Variants in KCNMB3 observed in about 807,000 individuals in gnomAD.
KCNMB3 encodes potassium calcium-activated channel subfamily M regulatory beta subunit 3.
A neutral mutation model predicts 11.9 loss-of-function variants in KCNMB3; 18 were observed. The ratio of observed to expected loss-of-function variants is 1.51; its 90% CI spans 1.04 to 2.23. The LOEUF (loss-of-function observed/expected upper bound fraction) is 2.23, where lower values mean the gene tolerates loss of function less well. Ranked by LOEUF, KCNMB3 falls within the 30% of genes most tolerant of loss-of-function variation. The probability of loss-of-function intolerance (pLI) is 0.00; values close to 1 mark genes in which losing one functional copy is unlikely to be tolerated. For missense variants in KCNMB3, 247 were observed against 329.4 expected, an observed-to-expected ratio of 0.75 and a Z score of 1.94; for synonymous variants, 78 against 119.2, an observed-to-expected ratio of 0.65 and a Z score of 2.25.
In KCNMB3 at chr3:179,266,798, A is replaced by G. The variant is rs918724301; in HGVS notation, c.-88T>C. 4.5e-6 allele frequency: 7 copies of G among 1,548,948 alleles called. No homozygotes were observed. In the African/African-American group the frequency reaches 9.5e-5, roughly 21 times the overall value. ...AAGGTGAAGCTTAGACATCCACGGA[A>G]GTGGAGTCCCAGCGGGAGCCCCCAG... is the stretch of plus-strand genomic sequence containing the variant. On this transcript the variant is annotated 5_prime_UTR_variant, in exon 1 of 4. Coordinates refer to the KCNMB3 transcript ENST00000349697.
chr3:179,256,223 G>A (rs1157769842), upstream of KCNMB3, among the ~76,000 whole-genome samples: 3 of 152,156 alleles, frequency 2.0e-5, no homozygotes, highest in South Asian at 2.1e-4. Context: ...ATCACCTGAC[G>A]TCAGGAGTTC....
chr3:179,257,971 G>A (rs1343832964), intron 1 of KCNMB3, among the ~76,000 whole-genome samples: 17 of 152,042 alleles, frequency 1.1e-4, no homozygotes, highest in Non-Finnish European at 1.9e-4. Flanking sequence ...TGCAATCTCC[G>A]CCTCGCAGGT....
At chr3:179,259,762 C>T (rs1184122823) in intron 1 of KCNMB3, 15 of 1,601,392 alleles carry the variant, frequency 9.4e-6, no homozygotes, top group Middle Eastern at 3.4e-4. Flanking sequence ...GAGTCCAATG[C>T]CTCTCCCTGT....
intron 1 of KCNMB3, chr3:179,261,254 G>A (rs1726198414): frequency 1.5e-6 from 2 of 1,319,104 alleles, no homozygotes; most frequent in Non-Finnish European, 2.0e-6. Context: ...CCGGCTCTGC[G>A]TGGCCGCGGG....
chr3:179,249,007 CTTTTT>C (rs1169837939), intron 1 of KCNMB3, among the ~76,000 whole-genome samples: 3 of 89,864 alleles, frequency 3.3e-5, no homozygotes, highest in South Asian at 4.1e-4. Context: ...GACCCCGTCT[CTTTTT>C]TTTTTTTTTT....
chr3:179,248,899 T>C (rs1029328311), intron 1 of KCNMB3, among the ~76,000 whole-genome samples: 1 of 151,406 alleles, frequency 6.6e-6, no homozygotes, highest in Non-Finnish European at 1.5e-5. Context: ...GTAATCCCAC[T>C]GACTCAGGAA....
chr3:179,260,697 C>T (rs1576963981), intron 1 of KCNMB3: 2 of 1,397,688 alleles, frequency 1.4e-6, no homozygotes. Context: ...CCATGTTTCT[C>T]GAGCATTTCC....
At chr3:179,258,981 C>CA (rs1272932785) in intron 1 of KCNMB3, 3 of 1,614,070 alleles carry the variant, frequency 1.9e-6, no homozygotes, top group Admixed American at 3.3e-5. Flanking sequence ...CCCTCACACT[C>CA]AGACTTCCTG....
chr3:179,254,585 C>T (rs140967047), upstream of KCNMB3, among the ~76,000 whole-genome samples: 1 of 151,890 alleles, frequency 6.6e-6, no homozygotes, highest in Non-Finnish European at 1.5e-5. Context: ...TCGAGGTGGG[C>T]GAATCATGAA....
At chr3:179,263,470 G>A (rs1047937905) in intron 1 of KCNMB3, among the ~76,000 whole-genome samples, 1 of 152,274 alleles carries the variant, frequency 6.6e-6, no homozygotes, top group Non-Finnish European at 1.5e-5. Flanking sequence ...CGCGGCCAGA[G>A]TGGGCGCCAA....
intron 1 of KCNMB3, among the ~76,000 whole-genome samples, chr3:179,264,770 T>C (rs1360163499): frequency 6.6e-6 from 1 of 152,242 alleles, no homozygotes; most frequent in African/African-American, 2.4e-5. Context: ...ATAATTCATC[T>C]GACATTCATT....
intron 1 of KCNMB3, chr3:179,259,174 G>C: frequency 6.4e-7 from 1 of 1,558,326 alleles, no homozygotes; most frequent in East Asian, 2.2e-5. Flanking sequence ...CTGATGGTCT[G>C]ACTTGGATGT....
At chr3:179,252,515 G>A (rs529871347), upstream of KCNMB3, among the ~76,000 whole-genome samples, 12 of 152,058 alleles carry the variant, frequency 7.9e-5, no homozygotes, top group South Asian at 8.3e-4. Flanking sequence ...GTTCTAAAGC[G>A]AGTAAAAGGA....
chr3:179,256,636 AGAAAT>A (rs962098313), intron 1 of KCNMB3, among the ~76,000 whole-genome samples: 18 of 152,218 alleles, frequency 1.2e-4, no homozygotes, highest in Non-Finnish European at 1.5e-5. Flanking sequence ...CATGCTAAAT[AGAAAT>A]ATCACCTTTC....
At chr3:179,259,228 C>A in intron 1 of KCNMB3, 2 of 1,535,270 alleles carry the variant, frequency 1.3e-6, no homozygotes, top group Non-Finnish European at 1.7e-6. Flanking sequence ...TCACAGGCAT[C>A]ACTAATGTCC....
chr3:179,250,755 G>C lies in KCNMB3; in HGVS notation c.236C>G (p.Pro79Arg). Residue 79 changes from proline to arginine, a missense_variant, in exon 1 of 3, where the codon CCT becomes CGT. By Grantham distance (103) the Pro-to-Arg change is moderately radical (BLOSUM62 -2). Around this residue, in one of 2 missense-constraint regions of KCNMB3, gnomAD observed 160 missense variants for 157.5 expected, o/e 1.02. Coordinates refer to ENST00000392685, the MANE Select transcript of KCNMB3 (RefSeq NM_171830.2). ...CTCTGTTTCTTACCTGAGCATAAAA[G>C]GCTTTAGAATGGTTGTTCCGAGCAA... Reference protein sequence around the residue: ...FFLLGTTILKPFMLSIQREES... With the variant: ...FFLLGTTILKRFMLSIQREES... The C allele has an allele frequency of 6.2e-7, 1 of 1,614,178 alleles. No homozygotes were observed. Among genetic ancestry groups the C allele is most frequent in the African/African-American group, 1.3e-5 (1 of 75,038 alleles).
At chr3:179,254,475 C>A (rs769085025), upstream of KCNMB3, among the ~76,000 whole-genome samples, 11 of 152,138 alleles carry the variant, frequency 7.2e-5, no homozygotes, top group Non-Finnish European at 1.3e-4. Flanking sequence ...AATTTAAATA[C>A]GTATGTTCTC....
chr3:179,260,991 T>A, intron 1 of KCNMB3: 1 of 981,184 alleles, frequency 1.0e-6, no homozygotes, highest in South Asian at 1.3e-5. Flanking sequence ...TCGGTGTCGA[T>A]GGATATAGAG....
At chr3:179,258,962 G>C in intron 1 of KCNMB3, 2 of 1,614,104 alleles carry the variant, frequency 1.2e-6, no homozygotes, top group Non-Finnish European at 8.5e-7. Context: ...GCAGTGGAGA[G>C]AAAAGAGCCC....
Sources: allele counts gnomAD v4.1 joint callset (sites outside exome capture counted in the v4.1 genomes callset), GRCh38; gene constraint gnomAD v4.1.1; regional missense constraint gnomAD v4.1.1; transcripts MANE v1.5; gene names NCBI Gene and HGNC (gene_info 2026-07-23, HGNC 2026-07-21).